Variants in CALD1 observed in about 807,000 individuals in gnomAD.
CALD1 encodes caldesmon 1.
CALD1 carries 33 observed loss-of-function variants against 99.9 expected under a neutral mutation model. That is an observed-to-expected ratio of 0.33 (90% CI 0.25 to 0.44). The LOEUF is 0.44. CALD1 is among the 20% of genes least tolerant of loss of function. The pLI is 1.00. For synonymous variants in CALD1, 310 were observed against 325.0 expected (o/e 0.95, Z 0.50); for missense variants, 861 against 962.1 (o/e 0.89, Z 1.39).
At chr7:134,936,242 C>G (rs141591204) in intron 6 of CALD1, among the ~76,000 whole-genome samples, 2 of 152,260 alleles carry the variant, frequency 1.3e-5, no homozygotes, top group Non-Finnish European at 2.9e-5. Context: ...ATATGGTGAA[C>G]TGAAGATGAT....
chr7:134,857,806 A>C (rs1164615808), intron 2 of CALD1, among the ~76,000 whole-genome samples: 1 of 152,150 alleles, frequency 6.6e-6, no homozygotes, highest in East Asian at 1.9e-4. Context: ...CTTGATGATC[A>C]TGATGAATAG....
chr7:134,927,551 C>CAAAAAAAA (rs58182455), intron 3 of CALD1, among the ~76,000 whole-genome samples: 1 of 40,380 alleles, frequency 2.5e-5, no homozygotes, highest in Non-Finnish European at 4.1e-5. Context: ...GACTGTGTCT[C>CAAAAAAAA]AAAAAAAAAA....
intron 1 of CALD1, among the ~76,000 whole-genome samples, chr7:134,763,729 C>T (rs971451751): frequency 2.0e-5 from 3 of 152,008 alleles, no homozygotes; most frequent in Non-Finnish European, 4.4e-5. Context: ...ACCAGCCTGG[C>T]TAACATGGTG....
chr7:134,797,227 C>T (rs1797779687), intron 1 of CALD1, among the ~76,000 whole-genome samples: 1 of 152,156 alleles, frequency 6.6e-6, no homozygotes, highest in Admixed American at 6.5e-5. Context: ...TCAAGTAATC[C>T]TCCCACCTTG....
upstream of CALD1, among the ~76,000 whole-genome samples, chr7:134,777,770 A>G (rs3807333): frequency 0.033 from 5,094 of 152,230 alleles, 209 homozygotes; most frequent in East Asian, 0.15. Flanking sequence ...CTGTTTTCTG[A>G]ACTCCTGATG....
chr7:134,956,991 T>C lies in CALD1; in HGVS notation c.1936-1078T>C, dbSNP rs532906870. ...GCTTCAGTTGTAGCAAAAAAGTTCC[T>C]AGCTTTAAAAAAAAAAGAACTCATC... On this transcript the variant is annotated intron_variant, in intron 9 of 14. Coordinates refer to ENST00000361675, the MANE Select transcript of CALD1 (RefSeq NM_033138.4). 1.3e-4 allele frequency among the ~76,000 whole-genome samples: 19 copies of C among 151,066 alleles called. No homozygotes were observed. The South Asian group carries it at 1.9e-3, about 15-fold the overall frequency.
chr7:134,806,318 G>T (rs191641380), intron 1 of CALD1, among the ~76,000 whole-genome samples: 2 of 152,144 alleles, frequency 1.3e-5, no homozygotes, highest in Non-Finnish European at 2.9e-5. Flanking sequence ...CCCAGCCCAC[G>T]GTTTAGCTTC....
At chr7:134,852,104 C>T (rs1294396352) in intron 2 of CALD1, among the ~76,000 whole-genome samples, 2 of 152,094 alleles carry the variant, frequency 1.3e-5, no homozygotes, top group African/African-American at 2.4e-5. Context: ...TGGTACAAAA[C>T]ATTTGAACAG....
chr7:134,865,520 T>C (rs531387714), intron 2 of CALD1, among the ~76,000 whole-genome samples: 2 of 152,296 alleles, frequency 1.3e-5, no homozygotes, highest in East Asian at 3.9e-4. Context: ...ACATGTATAC[T>C]CAGCAGCATT....
At chr7:134,886,067 T>C (rs1284833313) in intron 3 of CALD1, among the ~76,000 whole-genome samples, 2 of 152,194 alleles carry the variant, frequency 1.3e-5, no homozygotes, top group Non-Finnish European at 2.9e-5. Flanking sequence ...AAACCCTGGA[T>C]TTTAAAAAGA....
rs1036220683 is a variant in CALD1 at position 134,783,272 on chromosome 7, C to G, written c.-130+3523C>G. On this transcript the variant is annotated intron_variant, in intron 1 of 14. Transcript: ENST00000361675. This position sits in a 1 kb window ranked among gnomAD's most constrained non-coding sequence, Gnocchi z 4.3. Reference sequence around the variant, plus strand: ...CAGCTGTAACCGACCCTAGTTGCATCCCTAACTTCCTTACCCCCAGGCCTC... The same window carrying G: ...CAGCTGTAACCGACCCTAGTTGCATGCCTAACTTCCTTACCCCCAGGCCTC... 1.3e-5 allele frequency among the ~76,000 whole-genome samples: 2 copies of G among 152,184 alleles called. No individual in the cohort carries two copies. Among genetic ancestry groups the G allele is most frequent in the African/African-American group, 4.8e-5 (2 of 41,434 alleles).
chr7:134,832,308 A>G lies in CALD1; in HGVS notation c.-129-11576A>G, dbSNP rs964883036. Among the ~76,000 whole-genome samples, 71 of 152,228 alleles carry G rather than the reference A, an allele frequency of 4.7e-4. 2 individuals carry two copies. The highest frequency in any genetic ancestry group is 7.3e-5 in the Non-Finnish European group (5 of 68,038). On this transcript the variant is annotated intron_variant, in intron 1 of 14. Transcript: ENST00000361675. Reference sequence around the variant, plus strand: ...TGTCTCTTTCTGGCTGCTGTGAATTATCATTTTTAGAGAGGCAAAGGGATA... The same window carrying G: ...TGTCTCTTTCTGGCTGCTGTGAATTGTCATTTTTAGAGAGGCAAAGGGATA...
At chr7:134,898,792 T>TG (rs1335833942) in intron 3 of CALD1, among the ~76,000 whole-genome samples, 19 of 152,154 alleles carry the variant, frequency 1.2e-4, no homozygotes, top group Middle Eastern at 3.2e-3. Flanking sequence ...TGAACTCAGG[T>TG]GATCCGCCAA....
At chr7:134,864,588 T>TG (rs1800719765) in intron 2 of CALD1, among the ~76,000 whole-genome samples, 2 of 151,930 alleles carry the variant, frequency 1.3e-5, no homozygotes, top group African/African-American at 4.8e-5. Flanking sequence ...TTAGTAAAGA[T>TG]GGGGTTTCAC....
At chr7:134,938,010 T>C (rs1363326928) in intron 6 of CALD1, among the ~76,000 whole-genome samples, 1 of 152,222 alleles carries the variant, frequency 6.6e-6, no homozygotes, top group Non-Finnish European at 1.5e-5. Flanking sequence ...TTAAAAGTGA[T>C]GTTCGTGTCA....
intron 1 of CALD1, among the ~76,000 whole-genome samples, chr7:134,818,581 G>C (rs993503959): frequency 1.3e-5 from 2 of 152,158 alleles, no homozygotes; most frequent in African/African-American, 4.8e-5. Flanking sequence ...CTACTTCAAA[G>C]AAAGGTTCCA....
chr7:134,921,005 T>C (rs1804580036), intron 3 of CALD1, among the ~76,000 whole-genome samples: 1 of 152,248 alleles, frequency 6.6e-6, no homozygotes, highest in Middle Eastern at 3.2e-3. Flanking sequence ...TTTGTGTGTG[T>C]GCTTATCAAG....
intron 1 of CALD1, among the ~76,000 whole-genome samples, chr7:134,773,826 G>A (rs1455852841): frequency 2.2e-5 from 3 of 137,586 alleles, no homozygotes; most frequent in African/African-American, 8.5e-5. Context: ...GTGTGTGTGT[G>A]TTTCTGTTGT....
chr7:134,937,862 C>T (rs368221341), intron 6 of CALD1, among the ~76,000 whole-genome samples: 9 of 152,320 alleles, frequency 5.9e-5, no homozygotes, highest in African/African-American at 2.2e-4. Context: ...ATCACCAACA[C>T]TGAAACTTAA....
Sources: allele counts gnomAD v4.1 joint callset (sites outside exome capture counted in the v4.1 genomes callset), GRCh38; gene constraint gnomAD v4.1.1; non-coding constraint Gnocchi (gnomAD v3.1); transcripts MANE v1.5; gene names NCBI Gene and HGNC (gene_info 2026-07-23, HGNC 2026-07-21).